Variants in PDE1A observed in about 807,000 individuals in gnomAD.
PDE1A encodes dual specificity calcium/calmodulin-dependent 3',5'-cyclic nucleotide phosphodiesterase 1A.
In PDE1A, 35 loss-of-function variants were observed where a neutral mutation model predicts 61.7. The observed-to-expected ratio is 0.57, with a 90% confidence interval of 0.43 to 0.75. The LOEUF is 0.75. Ranked by LOEUF, PDE1A falls within the 30% of genes least tolerant of loss-of-function variation. PDE1A has a pLI of 0.00. For missense variants in PDE1A, 597 were observed against 630.6 expected (o/e 0.95, Z 0.57); for synonymous variants, 232 against 213.2 (o/e 1.09, Z -0.77).
chr2:182,219,911 T>A (rs1574761650), intron 7 of PDE1A, among the ~76,000 whole-genome samples: 1 of 152,052 alleles, frequency 6.6e-6, no homozygotes, highest in Admixed American at 6.6e-5. Flanking sequence ...ATGTACACAA[T>A]AAAAACTATT....
intron 2 of PDE1A, among the ~76,000 whole-genome samples, chr2:182,471,637 C>G (rs1363603571): frequency 6.6e-6 from 1 of 151,728 alleles, no homozygotes; most frequent in Admixed American, 6.6e-5. Flanking sequence ...GTTACCATTT[C>G]CTTCTTTTTT....
At chr2:182,249,909 C>T (rs1444284670) in intron 2 of PDE1A, among the ~76,000 whole-genome samples, 1 of 152,068 alleles carries the variant, frequency 6.6e-6, no homozygotes, top group Admixed American at 6.6e-5. Flanking sequence ...CTCATAATAC[C>T]ACCATGAGAA....
chr2:182,517,103 T>G (rs551510092), intron 2 of PDE1A, among the ~76,000 whole-genome samples: 2 of 152,184 alleles, frequency 1.3e-5, no homozygotes, highest in Non-Finnish European at 2.9e-5. Flanking sequence ...TAGATCCTTT[T>G]CTGGTGTCTT....
At chr2:182,390,643 C>T (rs150024707) in intron 1 of PDE1A, among the ~76,000 whole-genome samples, 1 of 152,186 alleles carries the variant, frequency 6.6e-6, no homozygotes, top group South Asian at 2.1e-4. Context: ...AAATCAGACA[C>T]AAGCCCTTAT....
At chr2:182,490,296 T>A (rs1005740762) in intron 2 of PDE1A, among the ~76,000 whole-genome samples, 1 of 152,224 alleles carries the variant, frequency 6.6e-6, no homozygotes, top group African/African-American at 2.4e-5. Flanking sequence ...AGTCAACCTT[T>A]AAGGAGTTTT....
chr2:182,711,166 A>G, the PDE1A span, among the ~76,000 whole-genome samples: 1 of 152,182 alleles, frequency 6.6e-6, no homozygotes, highest in Non-Finnish European at 1.5e-5. Context: ...CCTGCCAGAG[A>G]ACAGCCTGGA....
At chr2:182,224,837 T>A (rs1326630737) in intron 6 of PDE1A, among the ~76,000 whole-genome samples, 1 of 151,874 alleles carries the variant, frequency 6.6e-6, no homozygotes, top group African/African-American at 2.4e-5. Flanking sequence ...GTGGTTACCA[T>A]ACAGAACAGC....
At chr2:182,234,886 A>G (rs1291121959) in intron 3 of PDE1A, among the ~76,000 whole-genome samples, 2 of 152,194 alleles carry the variant, frequency 1.3e-5, no homozygotes, top group Non-Finnish European at 2.9e-5. Flanking sequence ...TTAGTCTGGA[A>G]GCTAAATGTC....
At chr2:182,533,141 A>G in the PDE1A span, among the ~76,000 whole-genome samples, 1 of 151,946 alleles carries the variant, frequency 6.6e-6, no homozygotes, top group Admixed American at 6.6e-5. Flanking sequence ...GCAAAAGCGC[A>G]TCTCTACTAA....
chr2:182,301,640 T>A (rs969113542), intron 1 of PDE1A, among the ~76,000 whole-genome samples: 1 of 152,212 alleles, frequency 6.6e-6, no homozygotes. Flanking sequence ...ACAGTGAGTA[T>A]GCTGACACAA....
At chr2:182,215,697 T>C (rs1574738619) in intron 7 of PDE1A, among the ~76,000 whole-genome samples, 5 of 111,056 alleles carry the variant, frequency 4.5e-5, no homozygotes, top group Admixed American at 9.6e-5. Flanking sequence ...ACACATACAC[T>C]CTCCCAAGAC....
At chr2:182,694,443 G>A in the PDE1A span, among the ~76,000 whole-genome samples, 1 of 152,264 alleles carries the variant, frequency 6.6e-6, no homozygotes, top group South Asian at 2.1e-4. Flanking sequence ...TGAGCATCGG[G>A]AATCCACTCC....
chr2:182,212,121 TATG>T (rs1687659699), intron 7 of PDE1A, among the ~76,000 whole-genome samples: 1 of 152,108 alleles, frequency 6.6e-6, no homozygotes, highest in South Asian at 2.1e-4. Context: ...CACCATTAAG[TATG>T]ATGTTAGTTG....
chr2:182,530,961 T>C, the PDE1A span, among the ~76,000 whole-genome samples: 1 of 152,032 alleles, frequency 6.6e-6, no homozygotes, highest in Non-Finnish European at 1.5e-5. Context: ...GTGTATACAG[T>C]GGAATATATA....
At chr2:182,394,875 A>G (rs1376641085) in intron 1 of PDE1A, among the ~76,000 whole-genome samples, 1 of 152,216 alleles carries the variant, frequency 6.6e-6, no homozygotes, top group Non-Finnish European at 1.5e-5. Flanking sequence ...CAGTAAATCA[A>G]AAACAATATC....
At chr2:182,328,456 A>C (rs948674531) in intron 1 of PDE1A, among the ~76,000 whole-genome samples, 1 of 152,194 alleles carries the variant, frequency 6.6e-6, no homozygotes, top group Non-Finnish European at 1.5e-5. Flanking sequence ...ATTGAGTATA[A>C]GTTGGGGAGA....
chr2:182,693,578 T>C, the PDE1A span, among the ~76,000 whole-genome samples: 762 of 152,118 alleles, frequency 5.0e-3, 7 homozygotes, highest in African/African-American at 0.017. Context: ...ATCAGACATA[T>C]GTTTTTCAAG....
chr2:182,459,637 C>T (rs1686147827), intron 2 of PDE1A, among the ~76,000 whole-genome samples: 1 of 152,074 alleles, frequency 6.6e-6, no homozygotes. Flanking sequence ...GTTGACTAAG[C>T]CTAGGCCCCT....
rs556622213 is a variant in PDE1A, at chr2:182,412,303, C to T, written c.53+14275G>A. ...AATTTTTAGTTTCCAGAAATGACTA[C>T]TCCAAGATCCCACCCTAAACAGTAG... On this transcript the variant is annotated intron_variant, in intron 1 of 13. Coordinates refer to ENST00000351439, the Ensembl canonical transcript of PDE1A. Among the ~76,000 whole-genome samples the T allele has an allele frequency of 4.6e-5, 7 of 152,234 alleles. No homozygotes were observed. In the South Asian group the frequency reaches 6.2e-4, roughly 14 times the overall value.
Sources: allele counts gnomAD v4.1 joint callset (sites outside exome capture counted in the v4.1 genomes callset), GRCh38; gene constraint gnomAD v4.1.1; transcripts MANE v1.5; gene names NCBI Gene and HGNC (gene_info 2026-07-23, HGNC 2026-07-21).